RSPH3: variants seen among roughly 807,000 people sequenced by gnomAD.
The protein encoded by RSPH3 is radial spoke head 3.
In RSPH3, 21 loss-of-function variants were observed where a neutral mutation model predicts 43.8. The observed-to-expected ratio is 0.48, with a 90% CI of 0.34 to 0.69. The LOEUF is 0.69. Among genes scored for constraint, RSPH3 ranks in the 30% least tolerant of loss-of-function variants. The pLI, the probability that RSPH3 is intolerant of heterozygous loss-of-function variation, is 0.01. For synonymous variants in RSPH3, 173 were observed against 179.8 expected (o/e 0.96, Z 0.30); for missense variants, 487 against 516.0 (o/e 0.94, Z 0.54).
At chr6:158,968,014 C>A (rs546885728), downstream of RSPH3, among the ~76,000 whole-genome samples, 14 of 152,064 alleles carry the variant, frequency 9.2e-5, no homozygotes, top group African/African-American at 3.1e-4. Flanking sequence ...TTAATAAAAA[C>A]CCTCATTCTG....
chr6:158,992,456 G>GTT (rs1562566031), intron 2 of RSPH3, among the ~76,000 whole-genome samples: 2 of 140,890 alleles, frequency 1.4e-5, no homozygotes, highest in African/African-American at 5.3e-5. Flanking sequence ...ATTTTTGTGG[G>GTT]GTTTTTTTTT....
Position 158,974,839 on chromosome 6 carries a change from T to C in RSPH3, c.*2699A>G, listed in dbSNP as rs1401489855. 6.6e-6 allele frequency: 1 copy of C among 151,060 alleles called. No homozygotes were observed. The highest frequency in any genetic ancestry group is 2.5e-5 in the African/African-American group (1 of 40,458). 9.4% of individuals were successfully genotyped at this position (151,060 alleles called of 1,614,324 possible). Reference sequence around the variant, plus strand: ...TGAAAGATAATCAACTTCAAATCAATTTTAAGGTTTTTTTTTTTTGAGAAG... The same window carrying C: ...TGAAAGATAATCAACTTCAAATCAACTTTAAGGTTTTTTTTTTTTGAGAAG... On this transcript the variant is annotated 3_prime_UTR_variant, in exon 8 of 8. Transcript: ENST00000367069.
intron 6 of RSPH3, 111 bp from the exon 7 acceptor site, chr6:158,978,457 G>C: frequency 1.6e-6 from 1 of 616,158 alleles, no homozygotes; most frequent in South Asian, 2.0e-5. Flanking sequence ...ATGTTAAGTA[G>C]ACTCATACAG....
chr6:158,999,796 C>T lies in RSPH3; in HGVS notation c.-246G>A. Reference sequence around the variant, plus strand: ...GGGGCCGCATCGGTTGCCCAGCAACCCAGGGTTCTGTCTGGGGGCGGGAAC... The same window carrying T: ...GGGGCCGCATCGGTTGCCCAGCAACTCAGGGTTCTGTCTGGGGGCGGGAAC... On this transcript the variant is annotated 5_prime_UTR_variant, in exon 1 of 8. Coordinates refer to ENST00000367069, the MANE Select transcript of RSPH3 (RefSeq NM_031924.8). The T allele has an allele frequency of 1.9e-6, 3 of 1,613,142 alleles. No homozygotes were observed. The highest frequency in any genetic ancestry group is 2.5e-6 in the Non-Finnish European group (3 of 1,179,442).
intron 3 of RSPH3, among the ~76,000 whole-genome samples, chr6:158,985,690 C>T (rs533289409): frequency 2.0e-5 from 3 of 152,040 alleles, no homozygotes; most frequent in East Asian, 1.9e-4. Context: ...GTTGGGATTA[C>T]AGATGTGAGC....
At chr6:158,986,818 C>T (rs1169182128) in intron 2 of RSPH3, among the ~76,000 whole-genome samples, 1 of 152,110 alleles carries the variant, frequency 6.6e-6, no homozygotes, top group African/African-American at 2.4e-5. Context: ...TTGTGGTCAG[C>T]AAAGATATTC....
chr6:158,973,545 CA>C lies in RSPH3; in HGVS notation c.*3992del, dbSNP rs1292257889. 1 of 152,146 alleles carries C rather than the reference CA, an allele frequency of 6.6e-6. No homozygotes were observed. Among genetic ancestry groups the C allele is most frequent in the Non-Finnish European group, 1.5e-5 (1 of 68,018 alleles). 9.4% of individuals were successfully genotyped at this position (152,146 alleles called of 1,614,324 possible). On this transcript the variant is annotated 3_prime_UTR_variant, in exon 8 of 8. Transcript: ENST00000367069. ...AAAATGAAACACTAGACTGATAAAT[CA>C]GTTCTTTTTCTTAATTTAAAAGAAA...
At chr6:158,998,630 C>T (rs1442714157) in intron 1 of RSPH3, among the ~76,000 whole-genome samples, 1 of 151,322 alleles carries the variant, frequency 6.6e-6, no homozygotes, top group Non-Finnish European at 1.5e-5. Flanking sequence ...CCGAGGCGGG[C>T]GGATCACTTG....
chr6:158,995,825 T>G (rs1336318734), intron 1 of RSPH3, among the ~76,000 whole-genome samples: 1 of 152,116 alleles, frequency 6.6e-6, no homozygotes, highest in Admixed American at 6.5e-5. Context: ...GGTCTGGATC[T>G]CCTGACCTCG....
Position 158,988,258 on chromosome 6 carries a change from T to C in RSPH3, c.205-1837A>G, listed in dbSNP as rs532878796. The C allele has an allele frequency of 2.0e-5, 3 of 152,364 alleles. No homozygotes were observed. In the East Asian group the frequency reaches 5.8e-4, roughly 29 times the overall value. The allele number at this position is 152,364 out of a possible 1,614,324, so 9.4% of individuals were successfully genotyped here. On this transcript the variant is annotated intron_variant, in intron 2 of 7. Transcript: ENST00000367069. ...TTCCACTGAGAAGTCTGCTGCCAGA[T>C]GGATTGGAGCTCCTTCATGTATGCT...
intron 4 of RSPH3, among the ~76,000 whole-genome samples, 160 bp from the exon 5 acceptor site, chr6:158,982,848 GAAC>G (rs1778081809): frequency 6.6e-6 from 1 of 152,066 alleles, no homozygotes; most frequent in East Asian, 1.9e-4. Flanking sequence ...TCCTCAAAAT[GAAC>G]AACATTTTGT....
chr6:158,988,496 C>T (rs1377249407), intron 2 of RSPH3, among the ~76,000 whole-genome samples: 1 of 152,116 alleles, frequency 6.6e-6, no homozygotes, highest in East Asian at 1.9e-4. Flanking sequence ...TGCTCAATTC[C>T]CTCTTGAACA....
At position 158,995,653 on chromosome 6, in the gene RSPH3, G is replaced by C. The variant is rs558534088; in HGVS notation, c.117-1727C>G. ...TCTGTCACCCAGGCTGGACTGCAGA[G>C]GTGCAATCTTGGCTCACTGCAAGCT... On this transcript the variant is annotated intron_variant, in intron 1 of 7. Coordinates refer to ENST00000367069, the MANE Select transcript of RSPH3 (RefSeq NM_031924.8). Among the ~76,000 whole-genome samples, 6 of 152,166 alleles carry C rather than the reference G, an allele frequency of 3.9e-5. No homozygotes were observed. In the East Asian group the frequency reaches 9.7e-4, roughly 24 times the overall value.
intron 2 of RSPH3, among the ~76,000 whole-genome samples, chr6:158,991,316 A>G (rs1030532487): frequency 6.6e-6 from 1 of 152,038 alleles, no homozygotes; most frequent in Non-Finnish European, 1.5e-5. Context: ...ATATTTTAAG[A>G]CTTTGGATTC....
At chr6:158,985,486 A>G (rs1442499942) in intron 3 of RSPH3, among the ~76,000 whole-genome samples, 4 of 152,202 alleles carry the variant, frequency 2.6e-5, no homozygotes, top group African/African-American at 9.7e-5. Context: ...GGCTGAGTGC[A>G]GTGGTGTGAT....
At chr6:158,970,951 T>C (rs563854976), downstream of RSPH3, among the ~76,000 whole-genome samples, 1 of 152,318 alleles carries the variant, frequency 6.6e-6, no homozygotes, top group South Asian at 2.1e-4. Flanking sequence ...GCAGCTGTGA[T>C]GTTAAACAAT....
In RSPH3 at chr6:158,999,665, C is replaced by T; in HGVS notation, c.-115G>A. The T allele has an allele frequency of 6.2e-7, 1 of 1,614,044 alleles. No homozygotes were observed. Among genetic ancestry groups the T allele is most frequent in the East Asian group, 2.2e-5 (1 of 44,876 alleles). On this transcript the variant is annotated 5_prime_UTR_variant, in exon 1 of 8. Coordinates refer to ENST00000367069, the MANE Select transcript of RSPH3 (RefSeq NM_031924.8). Reference sequence around the variant, plus strand: ...AGTGCCAAGGGCAAGGATTCCGCGACGCGAGGAGAGGCGACAACAAGGGAG... The same window carrying T: ...AGTGCCAAGGGCAAGGATTCCGCGATGCGAGGAGAGGCGACAACAAGGGAG...
intron 2 of RSPH3, among the ~76,000 whole-genome samples, chr6:158,991,804 C>CAT (rs1261445302): frequency 2.6e-5 from 4 of 152,120 alleles, no homozygotes; most frequent in Non-Finnish European, 5.9e-5. Flanking sequence ...TACATACATA[C>CAT]ATATATATAT....
intron 1 of RSPH3, among the ~76,000 whole-genome samples, chr6:158,995,046 C>T (rs552943297): frequency 2.0e-5 from 3 of 152,212 alleles, no homozygotes; most frequent in Admixed American, 6.5e-5. Flanking sequence ...TTTTCTTAGC[C>T]TTTGTTTGCA....
Sources: allele counts gnomAD v4.1 joint callset (sites outside exome capture counted in the v4.1 genomes callset), GRCh38; gene constraint gnomAD v4.1.1; transcripts MANE v1.5; gene names NCBI Gene and HGNC (gene_info 2026-07-23, HGNC 2026-07-21).